Variants in SORCS3 observed in about 807,000 individuals in gnomAD.
The protein encoded by SORCS3 is sortilin related VPS10 domain containing receptor 3.
In SORCS3, 57 loss-of-function variants were observed where a neutral mutation model predicts 146.3. That is an observed-to-expected ratio of 0.39 (90% CI 0.31 to 0.49). The LOEUF is 0.49. Among genes scored for constraint, SORCS3 ranks in the 20% least tolerant of loss-of-function variants. The pLI, the probability that SORCS3 is intolerant of heterozygous loss-of-function variation, is 0.92. For missense variants in SORCS3, 1,341 were observed against 1,575.5 expected (o/e 0.85, Z 2.52); for synonymous variants, 653 against 618.5 (o/e 1.06, Z -0.83).
chr10:104,710,648 G>A (rs756789976), intron 1 of SORCS3, among the ~76,000 whole-genome samples: 6 of 152,198 alleles, frequency 3.9e-5, no homozygotes, highest in Admixed American at 6.5e-5. Flanking sequence ...TGAGGTTTAT[G>A]CTCATCTTCA....
At chr10:105,051,746 T>C (rs1430300829) in intron 5 of SORCS3, among the ~76,000 whole-genome samples, 1 of 152,188 alleles carries the variant, frequency 6.6e-6, no homozygotes. Flanking sequence ...CAACCTGATA[T>C]AAGGGATCAG....
intron 3 of SORCS3, among the ~76,000 whole-genome samples, chr10:104,946,226 C>T (rs2133622313): frequency 6.6e-6 from 1 of 151,878 alleles, no homozygotes; most frequent in East Asian, 1.9e-4. Context: ...CTGTTTAAGA[C>T]ACCTGTGGGG....
At chr10:104,837,250 T>C (rs76728151) in intron 1 of SORCS3, among the ~76,000 whole-genome samples, 2 of 152,298 alleles carry the variant, frequency 1.3e-5, no homozygotes, top group Non-Finnish European at 2.9e-5. Context: ...AGAGAAATCA[T>C]ATTATCCCAG....
intron 4 of SORCS3, among the ~76,000 whole-genome samples, chr10:104,999,490 C>T (rs988429440): frequency 6.6e-6 from 1 of 152,196 alleles, no homozygotes; most frequent in African/African-American, 2.4e-5. Flanking sequence ...TTCCCTTATT[C>T]ACTACCTTGT....
At chr10:104,945,788 CT>C (rs112182823) in intron 3 of SORCS3, among the ~76,000 whole-genome samples, 17,817 of 146,266 alleles carry the variant, frequency 0.12, 1,640 homozygotes, top group African/African-American at 0.27. Flanking sequence ...ACAATACCAA[CT>C]TTTTTTTTTT....
chr10:105,013,815 T>C (rs1361054393), intron 4 of SORCS3, among the ~76,000 whole-genome samples: 1 of 152,076 alleles, frequency 6.6e-6, no homozygotes, highest in Non-Finnish European at 1.5e-5. Context: ...TAGGAACTTA[T>C]CAAACTGATT....
At chr10:104,924,513 C>G (rs944416261) in intron 3 of SORCS3, among the ~76,000 whole-genome samples, 1 of 152,220 alleles carries the variant, frequency 6.6e-6, no homozygotes, top group African/African-American at 2.4e-5. Flanking sequence ...CAGCTGGAAT[C>G]TCATTTCAAA....
At chr10:105,014,238 G>T (rs1344729392) in intron 4 of SORCS3, among the ~76,000 whole-genome samples, 3 of 151,556 alleles carry the variant, frequency 2.0e-5, no homozygotes, top group African/African-American at 7.3e-5. Context: ...AAGAAATTTG[G>T]ATTGGAACCT....
chr10:104,954,416 T>TA (rs2019465722), intron 3 of SORCS3, among the ~76,000 whole-genome samples: 1 of 152,236 alleles, frequency 6.6e-6, no homozygotes, highest in Admixed American at 6.5e-5. Context: ...GTGGGTGAGA[T>TA]ACTTTTATAA....
At chr10:105,229,914 G>A (rs1435433233) in intron 20 of SORCS3, among the ~76,000 whole-genome samples, 1 of 152,194 alleles carries the variant, frequency 6.6e-6, no homozygotes, top group African/African-American at 2.4e-5. Flanking sequence ...GAGGTGTGGT[G>A]TAGGTGATAG....
intron 2 of SORCS3, among the ~76,000 whole-genome samples, chr10:104,871,846 T>C (rs1364639265): frequency 1.3e-5 from 2 of 152,124 alleles, no homozygotes; most frequent in African/African-American, 4.8e-5. Flanking sequence ...AGATCCTGGA[T>C]TGTGAGATGC....
At chr10:105,098,113 C>T (rs2055759012) in intron 6 of SORCS3, among the ~76,000 whole-genome samples, 1 of 152,110 alleles carries the variant, frequency 6.6e-6, no homozygotes, top group African/African-American at 2.4e-5. Context: ...GCTCTAGATA[C>T]ATATATTATT....
At chr10:105,155,381 A>C (rs2056200093) in intron 9 of SORCS3, among the ~76,000 whole-genome samples, 1 of 152,144 alleles carries the variant, frequency 6.6e-6, no homozygotes, top group Non-Finnish European at 1.5e-5. Flanking sequence ...TCATCCAAGA[A>C]GTGGATAGCA....
At chr10:105,222,071 T>TA (rs2056706397) in intron 19 of SORCS3, among the ~76,000 whole-genome samples, 1 of 136,830 alleles carries the variant, frequency 7.3e-6, no homozygotes, top group Non-Finnish European at 1.6e-5. Context: ...TTTTTTTTTT[T>TA]AGTTAACATG....
chr10:104,754,017 A>C (rs963812733), intron 1 of SORCS3, among the ~76,000 whole-genome samples: 6 of 152,178 alleles, frequency 3.9e-5, no homozygotes, highest in Non-Finnish European at 1.5e-5. Context: ...TGAAATTTGC[A>C]CTGGGCCAGG....
In SORCS3 at chr10:105,233,321, A is replaced by G. The variant is rs547697424; in HGVS notation, c.2868+10072A>G. On this transcript the variant is annotated intron_variant, in intron 20 of 26. Transcript: ENST00000369701. The stretch of plus-strand genomic sequence containing the variant: ...ATGTAAACATACATAAGATATATAC[A>G]TAAGTATACATAATCAAATACCTTG... Among the ~76,000 whole-genome samples, 679 of 152,328 alleles carry G rather than the reference A, an allele frequency of 4.5e-3. 4 individuals carry two copies. The highest frequency in any genetic ancestry group is 0.014 in the Middle Eastern group (4 of 294).
At chr10:105,054,483 T>C (rs896210822) in intron 5 of SORCS3, among the ~76,000 whole-genome samples, 3 of 151,940 alleles carry the variant, frequency 2.0e-5, no homozygotes, top group African/African-American at 7.2e-5. Flanking sequence ...GTTAACTATT[T>C]CATCTAGTGA....
chr10:104,923,783 G>A (rs1564714300), intron 3 of SORCS3, among the ~76,000 whole-genome samples: 1 of 152,140 alleles, frequency 6.6e-6, no homozygotes, highest in African/African-American at 2.4e-5. Context: ...CGTAACATGT[G>A]CATAATAACC....
chr10:105,242,685 TAC>T (rs1444107984), intron 20 of SORCS3, among the ~76,000 whole-genome samples: 1 of 104,920 alleles, frequency 9.5e-6, no homozygotes, highest in Non-Finnish European at 1.7e-5. Flanking sequence ...TATATTTATA[TAC>T]ATTTATATAC....
Sources: allele counts gnomAD v4.1 joint callset (sites outside exome capture counted in the v4.1 genomes callset), GRCh38; gene constraint gnomAD v4.1.1; transcripts MANE v1.5; gene names NCBI Gene and HGNC (gene_info 2026-07-23, HGNC 2026-07-21).